The following PTPN13 variants were observed in gnomAD, a reference collection of about 807,000 sequenced individuals.
PTPN13 encodes protein tyrosine phosphatase non-receptor type 13, also known as tyrosine-protein phosphatase non-receptor type 13.
PTPN13 carries 191 observed loss-of-function variants against 284.0 expected under a neutral mutation model. The observed-to-expected ratio is 0.67, with a 90% CI of 0.60 to 0.76. PTPN13 has a LOEUF of 0.76. PTPN13 is among the 30% of genes least tolerant of loss of function. PTPN13 has a pLI of 0.00. For synonymous variants in PTPN13, 986 were observed against 1,022.3 expected, an observed-to-expected ratio of 0.96 and a Z score of 0.68; for missense variants, 2,797 against 2,939.9, an observed-to-expected ratio of 0.95 and a Z score of 1.12.
chr4:86,709,668 C>CT (rs879905057), intron 7 of PTPN13, among the ~76,000 whole-genome samples: 1 of 152,124 alleles, frequency 6.6e-6, no homozygotes, highest in Non-Finnish European at 1.5e-5. Flanking sequence ...ACTCTGTACT[C>CT]TTTGAAAGTT....
intron 15 of PTPN13, among the ~76,000 whole-genome samples, chr4:86,739,027 A>T (rs1296841309): frequency 2.0e-5 from 3 of 152,042 alleles, no homozygotes; most frequent in East Asian, 3.9e-4. Flanking sequence ...GAAGTTTCCA[A>T]TTTTTTTTAT....
chr4:86,654,001 G>T (rs1725435240), intron 2 of PTPN13, among the ~76,000 whole-genome samples: 1 of 152,124 alleles, frequency 6.6e-6, no homozygotes, highest in Admixed American at 6.5e-5. Context: ...CTATAAGATA[G>T]CTCTTATCAC....
chr4:86,641,408 A>T (rs1723766577), intron 2 of PTPN13, among the ~76,000 whole-genome samples: 1 of 152,152 alleles, frequency 6.6e-6, no homozygotes, highest in Non-Finnish European at 1.5e-5. Flanking sequence ...TGCTACTGAC[A>T]TTCCTATAAG....
chr4:86,632,686 C>T (rs1204012578), intron 1 of PTPN13, among the ~76,000 whole-genome samples: 4 of 151,590 alleles, frequency 2.6e-5, no homozygotes, highest in Non-Finnish European at 2.9e-5. Context: ...CCTCCCCCTG[C>T]GCCTCCTCCC....
intron 7 of PTPN13, among the ~76,000 whole-genome samples, chr4:86,708,462 G>GT: frequency 6.6e-6 from 1 of 152,208 alleles, no homozygotes; most frequent in South Asian, 2.1e-4. Flanking sequence ...AGACTTTCCA[G>GT]TGTCTGTACT....
chr4:86,698,530 A>G (rs1730804383), intron 6 of PTPN13, among the ~76,000 whole-genome samples: 1 of 152,156 alleles, frequency 6.6e-6, no homozygotes, highest in Non-Finnish European at 1.5e-5. Context: ...ATGAAATTCT[A>G]AAACTGACAC....
chr4:86,806,253 A>AT (rs1744650996), intron 44 of PTPN13, among the ~76,000 whole-genome samples: 1 of 152,026 alleles, frequency 6.6e-6, no homozygotes, highest in South Asian at 2.1e-4. Context: ...TTAATTATGT[A>AT]TGAATGTGTG....
chr4:86,801,954 C>A (rs1161986379), intron 42 of PTPN13, among the ~76,000 whole-genome samples: 1 of 152,034 alleles, frequency 6.6e-6, no homozygotes, highest in Admixed American at 6.6e-5. Context: ...TTCTCAATTA[C>A]CTACTAAAAT....
chr4:86,660,367 A>T (rs908937225), intron 2 of PTPN13, among the ~76,000 whole-genome samples: 1 of 152,162 alleles, frequency 6.6e-6, no homozygotes, highest in African/African-American at 2.4e-5. Flanking sequence ...AAGAGAGCCA[A>T]AGCATGAACT....
At chr4:86,752,837 G>T (rs892664908) in intron 19 of PTPN13, among the ~76,000 whole-genome samples, 172 bp from the exon 20 acceptor site, 2 of 152,060 alleles carry the variant, frequency 1.3e-5, no homozygotes, top group African/African-American at 4.8e-5. Context: ...ATTATGCTTA[G>T]CTACTATTTA....
chr4:86,661,558 A>G (rs1005743018), intron 2 of PTPN13, among the ~76,000 whole-genome samples: 19 of 152,126 alleles, frequency 1.2e-4, no homozygotes, highest in African/African-American at 4.1e-4. Context: ...TTACAAGGTA[A>G]GTGGCAAGGC....
At chr4:86,662,139 G>T (rs756999083) in intron 2 of PTPN13, among the ~76,000 whole-genome samples, 1 of 152,156 alleles carries the variant, frequency 6.6e-6, no homozygotes, top group Non-Finnish European at 1.5e-5. Context: ...TAATGAAATT[G>T]CTAGGTGGCA....
In PTPN13 at chr4:86,769,805, C is replaced by T. The variant is rs1166073229; in HGVS notation, c.4526C>T (p.Ser1509Leu). 1.2e-6 allele frequency: 2 copies of T among 1,606,674 alleles called. No homozygotes were observed. The highest frequency in any genetic ancestry group is 1.3e-5 in the African/African-American group (1 of 74,532). The change falls in exon 29 of 48, where the codon TCA (serine) becomes TTA (leucine). Residue 1509 changes from serine to leucine, a missense_variant. By Grantham distance (145) the Ser-to-Leu change is moderately radical. Coordinates refer to ENST00000411767, the MANE Select transcript of PTPN13 (RefSeq NM_080683.3). ...TFEVKLFKNS[S>L]GLGFSFSRED... ...GAGGTAAAATTATTTAAAAATAGCT[C>T]AGGTCTAGGATTCAGTTTTTCTCGA...
At chr4:86,745,847 G>C (rs1379295363) in intron 17 of PTPN13, among the ~76,000 whole-genome samples, 1 of 152,134 alleles carries the variant, frequency 6.6e-6, no homozygotes, top group African/African-American at 2.4e-5. Flanking sequence ...TGTTAGAAGA[G>C]GGAAATCAGA....
chr4:86,688,961 T>C, intron 4 of PTPN13, 44 bp from the exon 5 acceptor site: 2 of 1,455,666 alleles, frequency 1.4e-6, no homozygotes, highest in Non-Finnish European at 1.9e-6. Context: ...AGAAAAAATA[T>C]TTGCTCACAT....
At chr4:86,790,630 G>A (rs1742512593) in intron 40 of PTPN13, among the ~76,000 whole-genome samples, 1 of 152,138 alleles carries the variant, frequency 6.6e-6, no homozygotes, top group South Asian at 2.1e-4. Context: ...ACACAATGCT[G>A]AATTTTTTAG....
At chr4:86,737,014 T>C (rs569029115) in intron 15 of PTPN13, among the ~76,000 whole-genome samples, 12 of 152,330 alleles carry the variant, frequency 7.9e-5, no homozygotes, top group African/African-American at 2.9e-4. Context: ...ATCTGCTTTA[T>C]TGCAGTATAA....
At chr4:86,676,791 T>C (rs1728322356) in intron 3 of PTPN13, among the ~76,000 whole-genome samples, 1 of 152,200 alleles carries the variant, frequency 6.6e-6, no homozygotes, top group African/African-American at 2.4e-5. Context: ...ATTCCACTCA[T>C]ATGAAGTATC....
At chr4:86,794,349 A>G in intron 40 of PTPN13, among the ~76,000 whole-genome samples, 1 of 152,190 alleles carries the variant, frequency 6.6e-6, no homozygotes, top group South Asian at 2.1e-4. Flanking sequence ...AGGGATGTGA[A>G]GGACCTCTTC....
Sources: allele counts gnomAD v4.1 joint callset (sites outside exome capture counted in the v4.1 genomes callset), GRCh38; gene constraint gnomAD v4.1.1; transcripts MANE v1.5; gene names NCBI Gene and HGNC (gene_info 2026-07-23, HGNC 2026-07-21).